DYNC1I1: variants seen among roughly 807,000 people sequenced by gnomAD.
DYNC1I1 encodes the protein dynein cytoplasmic 1 intermediate chain 1, also known as cytoplasmic dynein 1 intermediate chain 1.
Under a neutral mutation model 86.6 loss-of-function variants are expected in DYNC1I1, and 43 were observed. The ratio of observed to expected loss-of-function variants is 0.50; its 90% CI spans 0.39 to 0.64. The LOEUF (loss-of-function observed/expected upper bound fraction) is 0.64, where lower values mean the gene tolerates loss of function less well. DYNC1I1 is among the 30% of genes least tolerant of loss of function. The pLI is 0.00. For missense variants in DYNC1I1, 604 were observed against 788.8 expected, an observed-to-expected ratio of 0.77 and a Z score of 2.81; for synonymous variants, 262 against 283.7, an observed-to-expected ratio of 0.92 and a Z score of 0.77.
At chr7:95,884,827 G>C (rs965157462) in intron 6 of DYNC1I1, among the ~76,000 whole-genome samples, 3 of 151,574 alleles carry the variant, frequency 2.0e-5, no homozygotes, top group Admixed American at 6.6e-5. Flanking sequence ...AGAGACAACA[G>C]CTTATAGGCT....
chr7:95,984,449 C>T (rs1358044963), intron 7 of DYNC1I1, among the ~76,000 whole-genome samples: 1 of 151,730 alleles, frequency 6.6e-6, no homozygotes, highest in African/African-American at 2.4e-5. Context: ...AGCATAATAG[C>T]ATATATAAAT....
chr7:96,073,906 G>A (rs1033203067), intron 14 of DYNC1I1, among the ~76,000 whole-genome samples: 7 of 152,170 alleles, frequency 4.6e-5, no homozygotes, highest in Admixed American at 3.3e-4. Flanking sequence ...CTATTTTCAG[G>A]TGTCATTGGA....
chr7:96,057,062 A>C (rs1044901904), intron 14 of DYNC1I1, among the ~76,000 whole-genome samples: 1 of 152,158 alleles, frequency 6.6e-6, no homozygotes, highest in African/African-American at 2.4e-5. Flanking sequence ...TAGGCACATA[A>C]ATGTCCAGGG....
intron 5 of DYNC1I1, among the ~76,000 whole-genome samples, chr7:95,851,326 A>T (rs1162667698): frequency 6.6e-6 from 1 of 152,166 alleles, no homozygotes; most frequent in Non-Finnish European, 1.5e-5. Flanking sequence ...GGACAAAGGG[A>T]TGATTGATGT....
intron 5 of DYNC1I1, among the ~76,000 whole-genome samples, chr7:95,832,983 A>C (rs1433307005): frequency 6.6e-6 from 1 of 150,670 alleles, no homozygotes; most frequent in East Asian, 1.9e-4. Flanking sequence ...ATTAGATCCC[A>C]TTTGTCAATT....
chr7:96,013,485 G>T (rs896253755), intron 10 of DYNC1I1, among the ~76,000 whole-genome samples: 18 of 152,026 alleles, frequency 1.2e-4, no homozygotes, highest in Admixed American at 1.3e-4. Flanking sequence ...TTGAGACAGG[G>T]TCTTACTCTG....
At chr7:95,926,872 C>T (rs1183728059) in intron 6 of DYNC1I1, among the ~76,000 whole-genome samples, 1 of 152,042 alleles carries the variant, frequency 6.6e-6, no homozygotes, top group Admixed American at 6.6e-5. Flanking sequence ...ACTTGTCGTC[C>T]CTCCCATATC....
intron 6 of DYNC1I1, among the ~76,000 whole-genome samples, chr7:95,887,481 C>T (rs1351108375): frequency 6.6e-6 from 1 of 152,060 alleles, no homozygotes; most frequent in African/African-American, 2.4e-5. Flanking sequence ...TTTCTTAATT[C>T]CCCGTCCTCT....
chr7:95,958,432 G>T (rs1385647986), intron 6 of DYNC1I1, among the ~76,000 whole-genome samples: 1 of 151,858 alleles, frequency 6.6e-6, no homozygotes, highest in Non-Finnish European at 1.5e-5. Context: ...CTCTACAAAT[G>T]TTTTTTTTAA....
intron 6 of DYNC1I1, among the ~76,000 whole-genome samples, chr7:95,914,584 G>T (rs969565549): frequency 6.6e-6 from 1 of 152,154 alleles, no homozygotes; most frequent in Admixed American, 6.5e-5. Flanking sequence ...TCTGCAAGAT[G>T]AGAATAATAA....
At chr7:95,848,320 A>T (rs557703946) in intron 5 of DYNC1I1, among the ~76,000 whole-genome samples, 155 of 151,716 alleles carry the variant, frequency 1.0e-3, no homozygotes, top group African/African-American at 3.6e-3. Flanking sequence ...TATACAATAG[A>T]TCTCTTGAAC....
chr7:95,796,175 G>A (rs1418491128), intron 1 of DYNC1I1, among the ~76,000 whole-genome samples: 1 of 152,180 alleles, frequency 6.6e-6, no homozygotes, highest in Non-Finnish European at 1.5e-5. Context: ...ATTTGTGTGT[G>A]TGTGTTTAGT....
chr7:95,833,682 T>A (rs1356523256), intron 5 of DYNC1I1, among the ~76,000 whole-genome samples: 3 of 150,664 alleles, frequency 2.0e-5, no homozygotes, highest in African/African-American at 4.9e-5. Flanking sequence ...AAGAGGTCCC[T>A]CACGTCCCTT....
At chr7:95,865,402 T>A (rs918994974) in intron 5 of DYNC1I1, among the ~76,000 whole-genome samples, 16 of 152,206 alleles carry the variant, frequency 1.1e-4, no homozygotes, top group Admixed American at 2.0e-4. Context: ...TGTTTCTACC[T>A]TTTCTCCTTC....
intron 5 of DYNC1I1, among the ~76,000 whole-genome samples, chr7:95,851,569 A>G (rs1789580585): frequency 6.6e-6 from 1 of 152,052 alleles, no homozygotes; most frequent in African/African-American, 2.4e-5. Context: ...ATCCCACTTA[A>G]TCATAGTGAA....
chr7:95,897,171 G>A (rs954016770), intron 6 of DYNC1I1, among the ~76,000 whole-genome samples: 2 of 152,104 alleles, frequency 1.3e-5, no homozygotes, highest in African/African-American at 4.8e-5. Flanking sequence ...TCGTTTATTA[G>A]CACATGGTCA....
rs188581222 is a variant in DYNC1I1, at chr7:95,822,186, C to A, written c.315-5871C>A. ...CAAGGATATTTTAAAATTTTCACTT[C>A]TTTCTGTCTCATAAACTGAAACTGA... On this transcript the variant is annotated intron_variant, in intron 4 of 16. Coordinates refer to ENST00000447467, the MANE Select transcript of DYNC1I1 (RefSeq NM_001135556.2). 4.2e-4 allele frequency among the ~76,000 whole-genome samples: 64 copies of A among 152,266 alleles called. No homozygotes were observed. In the East Asian group the frequency reaches 0.012, roughly 29 times the overall value.
At chr7:95,966,347 T>C (rs1344628267) in intron 6 of DYNC1I1, among the ~76,000 whole-genome samples, 1 of 152,208 alleles carries the variant, frequency 6.6e-6, no homozygotes, top group Non-Finnish European at 1.5e-5. Context: ...AATAGTCTCA[T>C]TAATCTTTGC....
At chr7:95,871,325 A>G (rs755781313) in intron 6 of DYNC1I1, among the ~76,000 whole-genome samples, 1 of 152,220 alleles carries the variant, frequency 6.6e-6, no homozygotes, top group Non-Finnish European at 1.5e-5. Flanking sequence ...AGACCTGTAT[A>G]TTAACGTGGC....
Sources: allele counts gnomAD v4.1 joint callset (sites outside exome capture counted in the v4.1 genomes callset), GRCh38; gene constraint gnomAD v4.1.1; transcripts MANE v1.5; gene names NCBI Gene and HGNC (gene_info 2026-07-23, HGNC 2026-07-21).